The following RBFOX1 variants were observed in gnomAD, a reference collection of about 807,000 sequenced individuals.
RBFOX1 encodes RNA binding protein fox-1 homolog 1.
A neutral mutation model predicts 57.7 loss-of-function variants in RBFOX1; 8 were observed. The observed-to-expected ratio is 0.14, with a 90% CI of 0.08 to 0.25. The LOEUF is 0.25. RBFOX1 is among the 10% of genes least tolerant of loss of function. The pLI is 1.00. For synonymous variants in RBFOX1, 326 were observed against 222.4 expected, an observed-to-expected ratio of 1.47 and a Z score of -4.15; for missense variants, 611 against 548.5, an observed-to-expected ratio of 1.11 and a Z score of -1.14.
rs1036006889 is a variant in RBFOX1 at position 6,605,764 on chromosome 16, G to A, written c.-63-48839G>A. Among the ~76,000 whole-genome samples the A allele has an allele frequency of 1.1e-4, 17 of 152,106 alleles. 2 individuals are homozygous for A. Among genetic ancestry groups the A allele is most frequent in the Admixed American group, 8.5e-4 (13 of 15,272 alleles). On this transcript the variant is annotated intron_variant, in intron 2 of 15. Transcript: ENST00000550418. ...GTGTTCGTGGAGGTTGCATTTAGAC[G>A]GGCATTTCATTATGAAACAACACAC...
chr16:6,756,182 C>G (rs2075758778), intron 3 of RBFOX1, among the ~76,000 whole-genome samples: 1 of 152,084 alleles, frequency 6.6e-6, no homozygotes, highest in Non-Finnish European at 1.5e-5. Flanking sequence ...GTACCATTTA[C>G]CTATAACTGG....
intron 4 of RBFOX1, among the ~76,000 whole-genome samples, chr16:7,445,484 G>C (rs1301369318): frequency 3.3e-5 from 5 of 152,102 alleles, no homozygotes; most frequent in African/African-American, 1.2e-4. Context: ...GCCCATAAAT[G>C]AACTTCTCAA....
intron 2 of RBFOX1, among the ~76,000 whole-genome samples, chr16:5,581,633 G>C (rs1036726154): frequency 1.2e-4 from 18 of 152,208 alleles, no homozygotes; most frequent in African/African-American, 4.3e-4. Context: ...GTGATGTCTG[G>C]ACTTTGACAT....
At chr16:6,758,239 C>T (rs2076100257) in intron 3 of RBFOX1, among the ~76,000 whole-genome samples, 1 of 152,014 alleles carries the variant, frequency 6.6e-6, no homozygotes, top group Non-Finnish European at 1.5e-5. Flanking sequence ...AAGCTACTAT[C>T]AGAATCAGTC....
rs925486384 is a variant in RBFOX1, at chr16:6,234,196, C to T, written c.-126-82799C>T. ...AGTGGCATTAAGTCTCATTGCCCTT[C>T]ACCACGCACTTGTTTAACTTGCTTA... is the stretch of plus-strand genomic sequence containing the variant. On this transcript the variant is annotated intron_variant, in intron 1 of 15. Coordinates refer to ENST00000550418, the MANE Select transcript of RBFOX1 (RefSeq NM_018723.4). Among the ~76,000 whole-genome samples, 7 of 152,236 alleles carry T rather than the reference C, an allele frequency of 4.6e-5. No individual in the cohort carries two copies. In the South Asian group the frequency reaches 1.0e-3, roughly 23 times the overall value.
intron 2 of RBFOX1, among the ~76,000 whole-genome samples, chr16:6,363,867 A>C (rs2089081798): frequency 6.6e-6 from 1 of 152,206 alleles, no homozygotes; most frequent in Non-Finnish European, 1.5e-5. Flanking sequence ...AATGAAAGAG[A>C]TGTTTTATTA....
chr16:6,542,483 C>CTTTTTTTTTGTTTTTTTTTTTT (rs2096835337), intron 2 of RBFOX1, among the ~76,000 whole-genome samples: 1 of 55,720 alleles, frequency 1.8e-5, no homozygotes, highest in Non-Finnish European at 3.0e-5. Context: ...GGACCATAGT[C>CTTTTTTTTTGTTTTTTTTTTTT]TTTTTTTTTT....
At chr16:6,595,461 T>G (rs1483923118) in intron 2 of RBFOX1, among the ~76,000 whole-genome samples, 1 of 152,242 alleles carries the variant, frequency 6.6e-6, no homozygotes, top group East Asian at 1.9e-4. Flanking sequence ...ATTCATTGGT[T>G]GTCAAACATT....
intron 3 of RBFOX1, among the ~76,000 whole-genome samples, chr16:6,818,005 A>T (rs985590914): frequency 2.0e-5 from 3 of 152,174 alleles, no homozygotes; most frequent in African/African-American, 7.2e-5. Context: ...CTAAATGAGC[A>T]TGGGTTAGTG....
At chr16:5,660,983 G>C (rs1323761522) in intron 3 of RBFOX1, among the ~76,000 whole-genome samples, 1 of 152,168 alleles carries the variant, frequency 6.6e-6, no homozygotes, top group Non-Finnish European at 1.5e-5. Flanking sequence ...TGAGGAGGTA[G>C]CGCCATGTTA....
intron 4 of RBFOX1, among the ~76,000 whole-genome samples, chr16:5,997,561 T>C (rs2060512529): frequency 6.6e-6 from 1 of 152,196 alleles, no homozygotes; most frequent in African/African-American, 2.4e-5. Context: ...AAGAACTCCA[T>C]GAAGAATCAC....
chr16:5,911,535 C>T (rs1296059690), intron 4 of RBFOX1, among the ~76,000 whole-genome samples: 1 of 152,184 alleles, frequency 6.6e-6, no homozygotes, highest in Non-Finnish European at 1.5e-5. Flanking sequence ...CGTTATGAGT[C>T]TTCAACGCCT....
chr16:6,503,635 C>G (rs914326087), intron 2 of RBFOX1, among the ~76,000 whole-genome samples: 1 of 152,186 alleles, frequency 6.6e-6, no homozygotes, highest in Non-Finnish European at 1.5e-5. Context: ...AGCAAGCTAA[C>G]TTGAGTCTCA....
chr16:5,332,625 A>G (rs1451510644), intron 1 of RBFOX1, among the ~76,000 whole-genome samples: 1 of 149,774 alleles, frequency 6.7e-6, no homozygotes, highest in African/African-American at 2.5e-5. Context: ...TATTACAATT[A>G]CATATCGTAT....
chr16:5,595,270 T>A (rs975959677), intron 2 of RBFOX1, among the ~76,000 whole-genome samples: 2 of 152,204 alleles, frequency 1.3e-5, no homozygotes, highest in Non-Finnish European at 2.9e-5. Context: ...CACCAGCCCA[T>A]GACAAATCTG....
rs72762964 is a variant in RBFOX1 at position 6,640,058 on chromosome 16, A to T, written c.-63-14545A>T. Among the ~76,000 whole-genome samples, 83 of 152,252 alleles carry T rather than the reference A, an allele frequency of 5.5e-4. 1 individual carries two copies. The highest frequency in any genetic ancestry group is 1.1e-3 in the Non-Finnish European group (72 of 68,010). On this transcript the variant is annotated intron_variant, in intron 2 of 15. Transcript: ENST00000550418. ...GAAATACAGAAACTAAAGAACAGAT[A>T]AGTTGCTGCGAAAAGCCATATAAAT...
At chr16:5,734,095 C>T (rs1409605108) in intron 3 of RBFOX1, among the ~76,000 whole-genome samples, 1 of 152,160 alleles carries the variant, frequency 6.6e-6, no homozygotes, top group East Asian at 1.9e-4. Flanking sequence ...AAAACTCCAT[C>T]CTTACGCCCT....
chr16:5,757,039 G>T (rs1414125301), intron 3 of RBFOX1, among the ~76,000 whole-genome samples: 1 of 152,062 alleles, frequency 6.6e-6, no homozygotes, highest in African/African-American at 2.4e-5. Flanking sequence ...TTTCTGGTTG[G>T]CAAAGGATGG....
At chr16:6,343,803 T>C (rs2084923916) in intron 2 of RBFOX1, among the ~76,000 whole-genome samples, 1 of 152,208 alleles carries the variant, frequency 6.6e-6, no homozygotes, top group Non-Finnish European at 1.5e-5. Flanking sequence ...ATTCTGTGTT[T>C]TCCATGCATA....
Sources: gnomAD v4.1 joint callset for allele counts (sites outside exome capture counted in the v4.1 genomes callset) on GRCh38, gnomAD v4.1.1 for gene constraint, MANE v1.5 for transcripts, NCBI Gene and HGNC (gene_info 2026-07-23, HGNC 2026-07-21) for gene names.